Variants in PLAC1 observed in about 807,000 individuals in gnomAD.
PLAC1 encodes the protein placenta associated 1, also known as placenta-specific protein 1.
For synonymous variants in PLAC1, 68 were observed against 62.1 expected (o/e 1.09, Z -0.44); for missense variants, 136 against 163.2 (o/e 0.83, Z 0.91).
intron 2 of PLAC1, among the ~76,000 whole-genome samples, chrX:134,699,174 G>A (rs1014936789): frequency 8.9e-5 from 10 of 111,775 alleles, no homozygotes; most frequent in Admixed American, 5.7e-4. Context: ...TCCAAAATTC[G>A]TGCAGGAACT....
At chrX:134,736,048 C>T (rs1393446219) in intron 1 of PLAC1, among the ~76,000 whole-genome samples, 1 of 109,705 alleles carries the variant, frequency 9.1e-6, no homozygotes, top group Non-Finnish European at 1.9e-5. Context: ...GAGGCCGAGG[C>T]AGGCGGATCA....
At chrX:134,700,739 G>T (rs1435276214) in intron 2 of PLAC1, among the ~76,000 whole-genome samples, 1 of 111,678 alleles carries the variant, frequency 9.0e-6, no homozygotes, top group Admixed American at 9.5e-5. Context: ...CCAAAGACAT[G>T]AAAGATCTCT....
At chrX:134,707,668 A>G (rs1189553844) in intron 2 of PLAC1, among the ~76,000 whole-genome samples, 1 of 112,587 alleles carries the variant, frequency 8.9e-6, no homozygotes, top group Non-Finnish European at 1.9e-5. Flanking sequence ...GATAGAAGGA[A>G]TCTTTGAGCA....
intron 2 of PLAC1, among the ~76,000 whole-genome samples, chrX:134,585,206 C>T: frequency 1.1e-5 from 1 of 90,774 alleles, no homozygotes; most frequent in Non-Finnish European, 2.2e-5. Flanking sequence ...AAAAGCCGGG[C>T]ATGGTGGCAC....
chrX:134,607,515 A>C, intron 1 of PLAC1: 1 of 168,033 alleles, frequency 6.0e-6, no homozygotes, highest in Admixed American at 7.3e-5. Context: ...CCAAAGAGAA[A>C]GGTACCTGGG....
intron 2 of PLAC1, among the ~76,000 whole-genome samples, chrX:134,707,845 A>G (rs2078611281): frequency 8.9e-6 from 1 of 112,232 alleles, no homozygotes; most frequent in Non-Finnish European, 1.9e-5. Flanking sequence ...TAAGATAATT[A>G]TAAACTGGAG....
At chrX:134,670,224 C>T (rs768989677) in intron 2 of PLAC1, among the ~76,000 whole-genome samples, 10 of 110,140 alleles carry the variant, frequency 9.1e-5, no homozygotes, top group African/African-American at 3.3e-4. Flanking sequence ...CCCATGCCAC[C>T]CTGGGGACTG....
chrX:134,697,489 A>T (rs2078568742), intron 2 of PLAC1, among the ~76,000 whole-genome samples: 1 of 112,491 alleles, frequency 8.9e-6, no homozygotes, highest in Admixed American at 9.4e-5. Context: ...TCATTTATTC[A>T]TTCCTTCAAC....
chrX:134,630,117 A>G (rs1227249725), intron 1 of PLAC1, among the ~76,000 whole-genome samples: 3 of 109,316 alleles, frequency 2.7e-5, no homozygotes, highest in Admixed American at 9.8e-5. Flanking sequence ...GATTACGGGC[A>G]TGCGCCACCA....
intron 2 of PLAC1, among the ~76,000 whole-genome samples, chrX:134,585,683 C>T (rs1182816109): frequency 9.0e-6 from 1 of 111,064 alleles, no homozygotes; most frequent in Admixed American, 9.6e-5. Context: ...GGCCCAATGG[C>T]AGCTGGTTAG....
chrX:134,751,120 CAAA>C (rs751605508), intron 1 of PLAC1, among the ~76,000 whole-genome samples: 4 of 46,074 alleles, frequency 8.7e-5, no homozygotes, highest in Non-Finnish European at 1.2e-4. Flanking sequence ...AAGGCTCTGT[CAAA>C]AAAAAAAAAA....
intron 1 of PLAC1, among the ~76,000 whole-genome samples, chrX:134,741,142 CA>C (rs1213783452): frequency 8.9e-6 from 1 of 112,065 alleles, no homozygotes; most frequent in Non-Finnish European, 1.9e-5. Flanking sequence ...GCTTCGATAA[CA>C]ATTTTATTTT....
chrX:134,616,763 T>G (rs763500610), intron 1 of PLAC1, among the ~76,000 whole-genome samples: 1 of 110,843 alleles, frequency 9.0e-6, no homozygotes, highest in Non-Finnish European at 1.9e-5. Flanking sequence ...TGATAGGGAT[T>G]ACATCAAATC....
Position 134,620,149 on chromosome X carries a change from T to C in PLAC1, c.-130-18027A>G, listed in dbSNP as rs1049340875. On this transcript the variant is annotated intron_variant, in intron 1 of 2. Coordinates refer to ENST00000359237, the MANE Select transcript of PLAC1 (RefSeq NM_021796.4). ...ACAAGTCTGTTCCTGCTAAACAGCT[T>C]ATGGCTTCATGAAAGGCCAGACACC... Among the ~76,000 whole-genome samples the C allele has an allele frequency of 4.5e-5, 5 of 112,272 alleles. No individual in the cohort carries two copies. In the East Asian group the frequency reaches 1.4e-3, roughly 31 times the overall value.
At chrX:134,684,411 T>TAAAAA (rs10606569) in intron 2 of PLAC1, among the ~76,000 whole-genome samples, 24 of 80,976 alleles carry the variant, frequency 3.0e-4, no homozygotes, top group African/African-American at 1.1e-3. Context: ...GCTCTGCCAC[T>TAAAAA]AAAAAAAAAA....
chrX:134,733,357 T>C (rs1169081159), intron 2 of PLAC1: 1 of 110,739 alleles, frequency 9.0e-6, no homozygotes, highest in Non-Finnish European at 1.9e-5. Flanking sequence ...GGATTTGTGT[T>C]TCAGTGAAGT....
upstream of PLAC1, among the ~76,000 whole-genome samples, chrX:134,662,868 G>A (rs2078421382): frequency 8.9e-6 from 1 of 112,048 alleles, no homozygotes; most frequent in Non-Finnish European, 1.9e-5. Flanking sequence ...GGCAGAGTTT[G>A]CAATGAGCCG....
intron 1 of PLAC1, among the ~76,000 whole-genome samples, chrX:134,762,821 CAA>C (rs60721487): frequency 0.019 from 277 of 14,745 alleles, 1 homozygote; most frequent in African/African-American, 0.037. Flanking sequence ...GGCTCTATCT[CAA>C]AAAAAAAAAA....
intron 1 of PLAC1, among the ~76,000 whole-genome samples, chrX:134,610,915 C>A (rs1470183428): frequency 1.8e-5 from 2 of 111,748 alleles, no homozygotes; most frequent in Non-Finnish European, 3.8e-5. Flanking sequence ...CAAACCTCCA[C>A]CTCCAAGGCT....
Sources: gnomAD v4.1 joint callset for allele counts (sites outside exome capture counted in the v4.1 genomes callset) on GRCh38, gnomAD v4.1.1 for gene constraint, MANE v1.5 for transcripts, NCBI Gene and HGNC (gene_info 2026-07-23, HGNC 2026-07-21) for gene names.